Variants in ADGRL3 observed in about 807,000 individuals in gnomAD.
ADGRL3 encodes the protein adhesion G protein-coupled receptor L3, also known as calcium-independent alpha-latrotoxin receptor 3.
Under a neutral mutation model 153.5 loss-of-function variants are expected in ADGRL3, and 62 were observed. That is an observed-to-expected ratio of 0.40 (90% CI 0.33 to 0.50). The LOEUF (loss-of-function observed/expected upper bound fraction) is 0.50, where lower values mean the gene tolerates loss of function less well. ADGRL3 is among the 20% of genes least tolerant of loss of function. The probability of loss-of-function intolerance (pLI) is 0.47; values close to 1 mark genes in which losing one functional copy is unlikely to be tolerated. For missense variants in ADGRL3, 1,641 were observed against 1,859.4 expected (o/e 0.88, Z 2.16); for synonymous variants, 710 against 672.5 (o/e 1.06, Z -0.86).
intron 9 of ADGRL3, among the ~76,000 whole-genome samples, chr4:61,852,007 T>A (rs1029235665): frequency 1.3e-5 from 2 of 152,198 alleles, no homozygotes; most frequent in African/African-American, 2.4e-5. Context: ...GTATGGTTAG[T>A]GTCTAAGTAA....
chr4:61,492,498 T>C (rs1341270732), intron 2 of ADGRL3, among the ~76,000 whole-genome samples: 4 of 152,048 alleles, frequency 2.6e-5, no homozygotes, highest in Non-Finnish European at 5.9e-5. Flanking sequence ...TTAACCTCTG[T>C]TTGGTGTATA....
chr4:61,756,558 T>A (rs565389280), intron 8 of ADGRL3, among the ~76,000 whole-genome samples: 1 of 152,330 alleles, frequency 6.6e-6, no homozygotes, highest in South Asian at 2.1e-4. Context: ...AATCATATCA[T>A]CTGTAAACAG....
chr4:61,482,920 C>T (rs2098146676), intron 2 of ADGRL3, among the ~76,000 whole-genome samples: 1 of 152,098 alleles, frequency 6.6e-6, no homozygotes, highest in Non-Finnish European at 1.5e-5. Flanking sequence ...TATGATATAT[C>T]TTGCAACCTA....
At chr4:61,203,083 G>A (rs905313319) in intron 1 of ADGRL3, among the ~76,000 whole-genome samples, 1 of 152,180 alleles carries the variant, frequency 6.6e-6, no homozygotes, top group Non-Finnish European at 1.5e-5. Flanking sequence ...TGCAGCGCTC[G>A]ATGCACCCCA....
intron 9 of ADGRL3, among the ~76,000 whole-genome samples, chr4:61,840,938 CT>C (rs912199458): frequency 6.6e-6 from 1 of 152,130 alleles, no homozygotes; most frequent in Non-Finnish European, 1.5e-5. Context: ...TTCCCCACCT[CT>C]TTTTCTCTAT....
At chr4:61,883,243 T>C (rs540791471) in intron 9 of ADGRL3, among the ~76,000 whole-genome samples, 1 of 152,332 alleles carries the variant, frequency 6.6e-6, no homozygotes, top group African/African-American at 2.4e-5. Flanking sequence ...ATGTTTTTAC[T>C]TTTATCCTAT....
chr4:61,392,334 G>C (rs974600841), intron 2 of ADGRL3, among the ~76,000 whole-genome samples: 2 of 151,924 alleles, frequency 1.3e-5, no homozygotes, highest in African/African-American at 4.8e-5. Flanking sequence ...TCTAATTAAA[G>C]CTCACGTCAA....
chr4:61,903,073 A>G (rs2098673674), intron 11 of ADGRL3, among the ~76,000 whole-genome samples: 1 of 152,190 alleles, frequency 6.6e-6, no homozygotes. Flanking sequence ...AGACACAAAC[A>G]CATGGATATG....
chr4:61,807,931 A>G (rs1400862298), intron 8 of ADGRL3, among the ~76,000 whole-genome samples: 2 of 152,028 alleles, frequency 1.3e-5, no homozygotes, highest in Admixed American at 1.3e-4. Flanking sequence ...TTAATTCTTT[A>G]TTAGTCATCT....
At chr4:61,480,332 T>C (rs2098118260) in intron 2 of ADGRL3, among the ~76,000 whole-genome samples, 1 of 152,166 alleles carries the variant, frequency 6.6e-6, no homozygotes, top group Non-Finnish European at 1.5e-5. Context: ...GCCATCCAGG[T>C]TCATTCATAT....
intron 1 of ADGRL3, among the ~76,000 whole-genome samples, chr4:61,327,600 C>T (rs1023835555): frequency 1.3e-5 from 2 of 151,838 alleles, no homozygotes; most frequent in African/African-American, 4.8e-5. Flanking sequence ...ATTTTGGAGT[C>T]ATGAGCATAC....
chr4:61,369,250 G>T (rs1443300227), intron 1 of ADGRL3, among the ~76,000 whole-genome samples: 1 of 152,174 alleles, frequency 6.6e-6, no homozygotes, highest in Non-Finnish European at 1.5e-5. Context: ...GCCCTGGCCA[G>T]AACTTCCAAC....
chr4:61,869,718 C>G (rs1344828333), intron 9 of ADGRL3, among the ~76,000 whole-genome samples: 1 of 151,434 alleles, frequency 6.6e-6, no homozygotes, highest in African/African-American at 2.4e-5. Flanking sequence ...GCGGGCGGAT[C>G]ACCTGAGGTC....
At chr4:61,351,813 C>T (rs1233681056) in intron 1 of ADGRL3, among the ~76,000 whole-genome samples, 6 of 152,030 alleles carry the variant, frequency 3.9e-5, no homozygotes, top group Admixed American at 6.5e-5. Context: ...TGCACCCAGT[C>T]GCCCAAGAGC....
At chr4:61,358,675 C>T (rs958412140) in intron 1 of ADGRL3, among the ~76,000 whole-genome samples, 2 of 151,592 alleles carry the variant, frequency 1.3e-5, no homozygotes, top group Non-Finnish European at 2.9e-5. Flanking sequence ...CCTGGGGCAT[C>T]CCACTTTCCT....
intron 1 of ADGRL3, among the ~76,000 whole-genome samples, chr4:61,336,275 T>G (rs2095671988): frequency 6.6e-6 from 1 of 152,168 alleles, no homozygotes; most frequent in Non-Finnish European, 1.5e-5. Context: ...AAAATTATCC[T>G]TTTGTGGGAA....
intron 9 of ADGRL3, among the ~76,000 whole-genome samples, chr4:61,852,817 T>C (rs1255215663): frequency 6.6e-5 from 1 of 15,090 alleles, no homozygotes; most frequent in East Asian, 5.6e-4. Flanking sequence ...ATCTTTTATT[T>C]ATTTATTTAT....
intron 1 of ADGRL3, among the ~76,000 whole-genome samples, chr4:61,227,199 T>C (rs1560369146): frequency 6.6e-6 from 1 of 152,136 alleles, no homozygotes; most frequent in African/African-American, 2.4e-5. Flanking sequence ...TCATTTCTTC[T>C]GGCACCTCAC....
chr4:61,301,959 AAT>A (rs1234631704), intron 1 of ADGRL3, among the ~76,000 whole-genome samples: 1 of 152,180 alleles, frequency 6.6e-6, no homozygotes, highest in Non-Finnish European at 1.5e-5. Flanking sequence ...AAAGGCAAGA[AAT>A]AACTTCCTAG....
Sources: gnomAD v4.1 joint callset for allele counts (sites outside exome capture counted in the v4.1 genomes callset) on GRCh38, gnomAD v4.1.1 for gene constraint, MANE v1.5 for transcripts, NCBI Gene and HGNC (gene_info 2026-07-23, HGNC 2026-07-21) for gene names.